Variants in MTG1 observed in about 807,000 individuals in gnomAD.
MTG1 encodes mitochondrial ribosome associated GTPase 1.
Under a neutral mutation model 39.5 loss-of-function variants are expected in MTG1, and 30 were observed. The observed-to-expected ratio is 0.76, with a 90% CI of 0.57 to 1.03. The LOEUF is 1.03. Ranked by LOEUF, MTG1 falls within the 50% of genes least tolerant of loss-of-function variation. The pLI, the probability that MTG1 is intolerant of heterozygous loss-of-function variation, is 0.00. For synonymous variants in MTG1, 217 were observed against 179.0 expected (o/e 1.21, Z -1.69); for missense variants, 513 against 447.4 (o/e 1.15, Z -1.32).
At chr10:133,405,517 G>C (rs1849957522) in intron 9 of MTG1, among the ~76,000 whole-genome samples, 1 of 152,038 alleles carries the variant, frequency 6.6e-6, no homozygotes, top group Admixed American at 6.6e-5. Flanking sequence ...CTCACCTCTG[G>C]TAATCACCAG....
At chr10:133,418,983 A>G (rs1850180445) in intron 9 of MTG1, among the ~76,000 whole-genome samples, 1 of 152,174 alleles carries the variant, frequency 6.6e-6, no homozygotes, top group African/African-American at 2.4e-5. Context: ...CTAGGAAAAC[A>G]CCGCTCAAAC....
At chr10:133,398,809 C>T (rs1212198812) in intron 4 of MTG1, among the ~76,000 whole-genome samples, 1 of 152,202 alleles carries the variant, frequency 6.6e-6, no homozygotes, top group African/African-American at 2.4e-5. Flanking sequence ...TGATGTGTTT[C>T]TTCATTAAAA....
chr10:133,404,316 A>G (rs1055926363), intron 9 of MTG1, among the ~76,000 whole-genome samples: 3 of 151,654 alleles, frequency 2.0e-5, no homozygotes, highest in African/African-American at 7.3e-5. Context: ...TTGTAGAGAC[A>G]GGGTTTCCCC....
rs1589912130 is a variant in MTG1 at position 133,402,720 on chromosome 10, G to A, written c.699G>A (p.Glu233=). 3 of 1,608,572 alleles carry A rather than the reference G, an allele frequency of 1.9e-6. No homozygotes were observed. The highest frequency in any genetic ancestry group is 2.5e-6 in the Non-Finnish European group (3 of 1,177,820). ...CGTVLDHLVG[E]ETMADYLLYT... ...CGGTGCTGGACCACCTGGTCGGGGAGGAGACCATGGCTGACTACCTGCTGT... is the reference window on the plus strand; with the variant it reads ...CGGTGCTGGACCACCTGGTCGGGGAAGAGACCATGGCTGACTACCTGCTGT... The change falls in exon 9 of 11, where the codon GAG becomes GAA. Residue 233 remains glutamate (E), a synonymous_variant. Coordinates refer to ENST00000317502, the MANE Select transcript of MTG1 (RefSeq NM_138384.4). This position sits in a 1 kb window ranked among gnomAD's most constrained non-coding sequence, Gnocchi z 4.7.
chr10:133,395,589 C>A, intron 1 of MTG1, 124 bp from the exon 2 acceptor site: 1 of 885,520 alleles, frequency 1.1e-6, no homozygotes, highest in Non-Finnish European at 1.8e-6. Context: ...ACTTAGTACG[C>A]TTCCCTCAGA....
At chr10:133,406,356 A>G (rs548941004) in intron 9 of MTG1, among the ~76,000 whole-genome samples, 1 of 152,214 alleles carries the variant, frequency 6.6e-6, no homozygotes, top group Non-Finnish European at 1.5e-5. Flanking sequence ...CAGTGGTGCG[A>G]TCACAGCTCA....
chr10:133,400,220 A>C (rs2133496184), intron 6 of MTG1, among the ~76,000 whole-genome samples: 1 of 152,350 alleles, frequency 6.6e-6, no homozygotes, highest in African/African-American at 2.4e-5. Context: ...AAAGAAAAAA[A>C]ATCCCTTTGA....
intron 9 of MTG1, among the ~76,000 whole-genome samples, chr10:133,418,150 T>C (rs1342613045): frequency 6.6e-6 from 1 of 152,184 alleles, no homozygotes; most frequent in Non-Finnish European, 1.5e-5. Flanking sequence ...ATTACAAGCA[T>C]GTGCCACCAC....
At position 133,394,228 on chromosome 10, in the gene MTG1, T is replaced by C. The variant is rs530832129; in HGVS notation, c.8T>C (p.Leu3Ser). The C allele has an allele frequency of 2.4e-5, 37 of 1,516,848 alleles. No individual in the cohort carries two copies. The African/African-American group carries it at 4.7e-4, about 19-fold the overall frequency. The allele number at this position is 1,516,848 out of a possible 1,614,324, so 94.0% of individuals were successfully genotyped here. The change falls in exon 1 of 11, where the codon TTG becomes TCG. Residue 3 changes from leucine to serine, a missense_variant. Leu to Ser is a moderately radical substitution (Grantham distance 145). Coordinates refer to ENST00000317502, the MANE Select transcript of MTG1 (RefSeq NM_138384.4). MR[L>S]TPRALCSAAQ... is the part of the protein sequence containing the mutation. ...TCCGGGGACGGTGCCGCCATGAGAT[T>C]GACCCCGCGCGCGCTGTGCAGCGCC...
intron 9 of MTG1, among the ~76,000 whole-genome samples, chr10:133,403,034 G>A (rs1001295885): frequency 6.8e-5 from 10 of 146,810 alleles, no homozygotes; most frequent in African/African-American, 2.3e-4. Context: ...GAGCGTTCCC[G>A]TCACCCCCCA....
chr10:133,396,425 G>A (rs918434953), intron 3 of MTG1, among the ~76,000 whole-genome samples, 158 bp downstream of exon 3: 5 of 152,180 alleles, frequency 3.3e-5, no homozygotes, highest in African/African-American at 1.2e-4. Context: ...TGCCAGCATC[G>A]TTTCTCATAT....
Position 133,402,681 on chromosome 10 carries a change from T to G in MTG1, c.671-11T>G, listed in dbSNP as rs1849901272. 6.3e-7 allele frequency: 1 copy of G among 1,598,258 alleles called. No homozygotes were observed. The highest frequency in any genetic ancestry group is 8.5e-7 in the Non-Finnish European group (1 of 1,172,622). On this transcript the variant is annotated splice_polypyrimidine_tract_variant and intron_variant, in intron 8 of 10. Transcript: ENST00000317502. The surrounding 1 kb of genome is among the most constrained non-coding windows in gnomAD (Gnocchi z 4.7). ...TGTTTCCAGTGCTCACCTCGGCTGCTGCTTCCACAGGAACGGTGCTGGACC... is the reference window on the plus strand; with the variant it reads ...TGTTTCCAGTGCTCACCTCGGCTGCGGCTTCCACAGGAACGGTGCTGGACC...
At chr10:133,413,243 TG>T (rs1190137094) in intron 9 of MTG1, among the ~76,000 whole-genome samples, 4 of 152,232 alleles carry the variant, frequency 2.6e-5, no homozygotes, top group African/African-American at 9.6e-5. Flanking sequence ...CCTGAGTAGC[TG>T]GGATTACAGG....
chr10:133,414,329 A>G (rs1021389807), intron 9 of MTG1, among the ~76,000 whole-genome samples: 3 of 151,840 alleles, frequency 2.0e-5, no homozygotes, highest in Admixed American at 1.3e-4. Flanking sequence ...CTACACAGAC[A>G]CGGCAACCAT....
chr10:133,411,287 G>T (rs1162941391), intron 9 of MTG1, among the ~76,000 whole-genome samples: 5 of 152,058 alleles, frequency 3.3e-5, no homozygotes, highest in Non-Finnish European at 7.4e-5. Context: ...GGAGAAGTCT[G>T]TTGCCAGTTA....
intron 9 of MTG1, among the ~76,000 whole-genome samples, chr10:133,417,868 T>C (rs551313304): frequency 1.2e-4 from 19 of 152,274 alleles, no homozygotes; most frequent in East Asian, 9.7e-4. Flanking sequence ...CTCAATGAAA[T>C]AAAAGAGAAT....
chr10:133,418,295 C>A (rs1850166603), intron 9 of MTG1, among the ~76,000 whole-genome samples: 1 of 152,384 alleles, frequency 6.6e-6, no homozygotes, highest in Non-Finnish European at 1.5e-5. Flanking sequence ...GCGTGAGCCA[C>A]CATGCCTGGC....
rs1363993667 is a variant in MTG1 at position 133,416,657 on chromosome 10, G to C, written c.753-2823G>C. On this transcript the variant is annotated intron_variant, in intron 9 of 10. Coordinates refer to ENST00000317502, the MANE Select transcript of MTG1 (RefSeq NM_138384.4). ...CTATGAGTGAGAATATGCGGTGTTTGGTTTTTTGTTCTTGCGATAGTTTAC... is the reference window on the plus strand; with the variant it reads ...CTATGAGTGAGAATATGCGGTGTTTCGTTTTTTGTTCTTGCGATAGTTTAC... Among the ~76,000 whole-genome samples, 7 of 143,048 alleles carry C rather than the reference G, an allele frequency of 4.9e-5. No homozygotes were observed. The South Asian group carries it at 1.4e-3, about 28-fold the overall frequency. The allele number at this position is 143,048 out of a possible 152,430, so 93.8% of individuals were successfully genotyped here. A position where few individuals can be genotyped will look rare whatever the true frequency, so the allele number is the denominator to read the frequency against.
chr10:133,412,286 G>A (rs969141602), intron 9 of MTG1, among the ~76,000 whole-genome samples: 5 of 151,978 alleles, frequency 3.3e-5, no homozygotes, highest in South Asian at 2.1e-4. Flanking sequence ...TTAACTCTTC[G>A]CTATTTTTGA....
Sources: allele counts gnomAD v4.1 joint callset (sites outside exome capture counted in the v4.1 genomes callset), GRCh38; gene constraint gnomAD v4.1.1; non-coding constraint Gnocchi (gnomAD v3.1); transcripts MANE v1.5; gene names NCBI Gene and HGNC (gene_info 2026-07-23, HGNC 2026-07-21).